Variants in CRAMP1 observed in about 807,000 individuals in gnomAD.
CRAMP1 encodes cramped chromatin regulator 1.
In CRAMP1, 50 loss-of-function variants were observed where a neutral mutation model predicts 115.4. The ratio of observed to expected loss-of-function variants is 0.43; its 90% CI spans 0.35 to 0.55. The LOEUF is 0.55. Ranked by LOEUF, CRAMP1 falls within the 20% of genes least tolerant of loss-of-function variation. The pLI, the probability that CRAMP1 is intolerant of heterozygous loss-of-function variation, is 0.01. For synonymous variants in CRAMP1, 866 were observed against 745.4 expected, an observed-to-expected ratio of 1.16 and a Z score of -2.64; for missense variants, 1,679 against 1,721.7, an observed-to-expected ratio of 0.98 and a Z score of 0.44.
In CRAMP1 at chr16:1,671,072, G is replaced by T. The variant is rs1488023785; in HGVS notation, c.3645+263G>T. Among the ~76,000 whole-genome samples, 3 of 152,190 alleles carry T rather than the reference G, an allele frequency of 2.0e-5. No individual in the cohort carries two copies. The highest frequency in any genetic ancestry group is 4.4e-5 in the Non-Finnish European group (3 of 68,028). On this transcript the variant is annotated intron_variant, in intron 20 of 20. Transcript: ENST00000397412. This position sits in a 1 kb window ranked among gnomAD's most constrained non-coding sequence, Gnocchi z 5.0. ...CCTCTGAACTGGAAACCCTGGTCTG[G>T]GGCGCAGAGCAGGGTCTCTGAAGGC...
intron 7 of CRAMP1, 143 bp from the exon 8 acceptor site, chr16:1,652,890 C>A: frequency 9.9e-7 from 1 of 1,007,922 alleles, no homozygotes; most frequent in Non-Finnish European, 1.4e-6. Context: ...GTTTCTTCTT[C>A]GCTGGGGTTT....
At chr16:1,615,034 G>T (rs2036405978) in intron 2 of CRAMP1, 49 bp downstream of exon 2, 1 of 1,119,130 alleles carries the variant, frequency 8.9e-7, no homozygotes, top group Non-Finnish European at 1.1e-6. Flanking sequence ...TCCGGGGTGT[G>T]CCGCGGGGGA....
At chr16:1,645,728 A>C (rs1596489868) in intron 6 of CRAMP1, among the ~76,000 whole-genome samples, 1 of 151,022 alleles carries the variant, frequency 6.6e-6, no homozygotes. Flanking sequence ...CTCTAGCTTC[A>C]CCCCAGCAGC....
At chr16:1,667,450 C>T in intron 17 of CRAMP1, 50 bp downstream of exon 17, 2 of 1,450,742 alleles carry the variant, frequency 1.4e-6, no homozygotes, top group Non-Finnish European at 1.9e-6. Context: ...CCAGGACTCC[C>T]TCCAGTGCCC....
intron 2 of CRAMP1, among the ~76,000 whole-genome samples, chr16:1,617,901 G>C (rs925480865): frequency 5.9e-5 from 9 of 152,134 alleles, no homozygotes; most frequent in Non-Finnish European, 1.0e-4. Context: ...CTGTAATTTT[G>C]CTTTTAAATG....
chr16:1,669,877 C>A lies in CRAMP1; in HGVS notation c.3499+712C>A, dbSNP rs1396570366. The stretch of plus-strand genomic sequence containing the variant: ...TCTGAACCAGTTGGGCGACCTGGGT[C>A]TGGGAGGTGCTGAGGGACCCAGCAC... On this transcript the variant is annotated intron_variant, in intron 19 of 20. Coordinates refer to ENST00000397412, the MANE Select transcript of CRAMP1 (RefSeq NM_020825.4). The surrounding 1 kb of genome is among the most constrained non-coding windows in gnomAD (Gnocchi z 4.6). 6.6e-6 allele frequency among the ~76,000 whole-genome samples: 1 copy of A among 152,182 alleles called. No individual in the cohort carries two copies. Among genetic ancestry groups the A allele is most frequent in the Non-Finnish European group, 1.5e-5 (1 of 68,040 alleles).
chr16:1,668,973 G>A lies in CRAMP1; in HGVS notation c.3335-28G>A, dbSNP rs570023029. 1.3e-5 allele frequency: 21 copies of A among 1,611,942 alleles called. No homozygotes were observed. The East Asian group carries it at 2.2e-4, about 17-fold the overall frequency. ...GCTGTTCACCACCCCGCAACAAGGCGTTTCTGATCTGGGATCTTGGTTGGC... is the reference window on the plus strand; with the variant it reads ...GCTGTTCACCACCCCGCAACAAGGCATTTCTGATCTGGGATCTTGGTTGGC... On this transcript the variant is annotated intron_variant, in intron 18 of 20. Transcript: ENST00000397412.
intron 19 of CRAMP1, among the ~76,000 whole-genome samples, chr16:1,670,031 A>C (rs2036908990): frequency 6.6e-6 from 1 of 152,086 alleles, no homozygotes; most frequent in South Asian, 2.1e-4. Flanking sequence ...TTGGGAGGCC[A>C]AGGTAGGAGG....
intron 6 of CRAMP1, among the ~76,000 whole-genome samples, chr16:1,650,288 C>T (rs1034635219): frequency 2.0e-5 from 3 of 152,210 alleles, no homozygotes; most frequent in South Asian, 4.1e-4. Context: ...CCAGAACTGG[C>T]TGTCTCCATT....
Position 1,656,486 on chromosome 16 carries a change from T to C in CRAMP1, c.1729T>C (p.Cys577Arg), listed in dbSNP as rs1272278815. 6.3e-7 allele frequency: 1 copy of C among 1,576,336 alleles called. No homozygotes were observed. Among genetic ancestry groups the C allele is most frequent in the East Asian group, 2.4e-5 (1 of 42,484 alleles). The change falls in exon 10 of 21, where the codon TGC becomes CGC. Residue 577 changes from cysteine (C) to arginine (R), a missense_variant. Coordinates refer to ENST00000397412, the MANE Select transcript of CRAMP1 (RefSeq NM_020825.4). This position sits in a 1 kb window ranked among gnomAD's most constrained non-coding sequence, Gnocchi z 5.6. ...SCQDLIVPEQ[C>R]RCADTRPGSE... ...TCAGGACCTCATTGTCCCCGAGCAG[T>C]GCCGCTGTGCGGACACACGGCCTGG...
intron 13 of CRAMP1, among the ~76,000 whole-genome samples, chr16:1,663,699 A>G (rs999189674): frequency 6.6e-6 from 1 of 152,152 alleles, no homozygotes; most frequent in Non-Finnish European, 1.5e-5. Flanking sequence ...ACCACCCAGA[A>G]AGGAAACCCT....
chr16:1,656,858 C>A lies in CRAMP1; in HGVS notation c.2101C>A (p.Leu701Met), dbSNP rs1358375030. The stretch of plus-strand genomic sequence containing the variant: ...CCTCATGATGGGCAAGCCCAGCAAG[C>A]TGCAGCTGGAGTACGACTGGCTGGG... Reference protein sequence around the residue: ...VYLMMGKPSKLQLEYDWLGPG... With the variant: ...VYLMMGKPSKMQLEYDWLGPG... Residue 701 changes from leucine (L) to methionine (M), a missense_variant, in exon 10 of 21, where the codon CTG becomes ATG. Coordinates refer to ENST00000397412, the MANE Select transcript of CRAMP1 (RefSeq NM_020825.4). This position sits in a 1 kb window ranked among gnomAD's most constrained non-coding sequence, Gnocchi z 5.6. 2 of 1,551,316 alleles carry A rather than the reference C, an allele frequency of 1.3e-6. No homozygotes were observed. Among genetic ancestry groups the A allele is most frequent in the Non-Finnish European group, 1.7e-6 (2 of 1,147,498 alleles).
chr16:1,658,485 A>G (rs1170509688), intron 10 of CRAMP1, among the ~76,000 whole-genome samples: 1 of 152,106 alleles, frequency 6.6e-6, no homozygotes, highest in Non-Finnish European at 1.5e-5. Flanking sequence ...GCAGGTAGGA[A>G]TCCCACATGG....
chr16:1,668,077 C>G lies in CRAMP1; in HGVS notation c.3218C>G (p.Ser1073Cys). The change falls in exon 18 of 21, where the codon TCT (serine) becomes TGT (cysteine). Residue 1073 changes from serine to cysteine, a missense_variant. Physicochemically the swap from Ser to Cys is moderately radical, Grantham distance 112 (BLOSUM62 -1). Around this residue, in one of 8 missense-constraint regions of CRAMP1, gnomAD observed 709 missense variants for 741.9 expected, o/e 0.96. Transcript: ENST00000397412. ...SSTRLSPPDV[S>C]ALLDISLPGP... ...ACCCGGCTGTCTCCACCAGACGTCT[C>G]TGCTCTGCTCGACATCTCCCTGCCC... The G allele has an allele frequency of 6.2e-7, 1 of 1,613,914 alleles. No homozygotes were observed. The highest frequency in any genetic ancestry group is 8.5e-7 in the Non-Finnish European group (1 of 1,179,850).
chr16:1,615,373 T>A (rs769784489), intron 2 of CRAMP1, among the ~76,000 whole-genome samples: 1 of 152,062 alleles, frequency 6.6e-6, no homozygotes, highest in Non-Finnish European at 1.5e-5. Flanking sequence ...GCGGTGGAAA[T>A]GCACCAAGGG....
At position 1,671,801 on chromosome 16, in the gene CRAMP1, C is replaced by T. The variant is rs917526828; in HGVS notation, c.3645+992C>T. Among the ~76,000 whole-genome samples, 2 of 152,212 alleles carry T rather than the reference C, an allele frequency of 1.3e-5. No individual in the cohort carries two copies. The highest frequency in any genetic ancestry group is 1.5e-5 in the Non-Finnish European group (1 of 68,044). ...CGCTACCCAGTATCCGAATGTGAAT[C>T]GTGACTCTTGAGATGATGAACTCAT... On this transcript the variant is annotated intron_variant, in intron 20 of 20. Coordinates refer to ENST00000397412, the MANE Select transcript of CRAMP1 (RefSeq NM_020825.4). This position sits in a 1 kb window ranked among gnomAD's most constrained non-coding sequence, Gnocchi z 5.0.
At chr16:1,649,865 C>A (rs2036708896) in intron 6 of CRAMP1, among the ~76,000 whole-genome samples, 1 of 146,670 alleles carries the variant, frequency 6.8e-6, no homozygotes, top group Non-Finnish European at 1.5e-5. Context: ...GCAATCTCAG[C>A]TCACTACAAC....
Position 1,662,500 on chromosome 16 carries a change from C to A in CRAMP1, c.2424C>A (p.Asn808Lys). ...SSAPCSSGLR[N>K]PPRPLLVPGP... The stretch of plus-strand genomic sequence containing the variant: ...CCTCTCCTCTCCCAGGTTTGAGAAA[C>A]CCTCCAAGACCCCTCTTGGTGCCTG... The change falls in exon 12 of 21, where the codon AAC becomes AAA. Residue 808 changes from asparagine (N) to lysine (K), a missense_variant. By Grantham distance (94) the Asn-to-Lys change is moderately conservative. Coordinates refer to ENST00000397412, the MANE Select transcript of CRAMP1 (RefSeq NM_020825.4). 6.2e-7 allele frequency: 1 copy of A among 1,613,582 alleles called. No individual in the cohort carries two copies. Among genetic ancestry groups the A allele is most frequent in the Non-Finnish European group, 8.5e-7 (1 of 1,179,584 alleles).
chr16:1,666,770 C>T lies in CRAMP1; in HGVS notation c.3036+170C>T, dbSNP rs551909996. Among the ~76,000 whole-genome samples, 1 of 152,340 alleles carries T rather than the reference C, an allele frequency of 6.6e-6. No individual in the cohort carries two copies. The highest frequency in any genetic ancestry group is 1.9e-4 in the East Asian group (1 of 5,186). On this transcript the variant is annotated intron_variant, in intron 16 of 20. Transcript: ENST00000397412. The surrounding 1 kb of genome is among the most constrained non-coding windows in gnomAD (Gnocchi z 5.0). Reference sequence around the variant, plus strand: ...CTGTGTAGTACAGAGCAGGAGAGGCCTCCGGAGCCACTGACGAAAGGTGGG... The same window carrying T: ...CTGTGTAGTACAGAGCAGGAGAGGCTTCCGGAGCCACTGACGAAAGGTGGG...
Sources: gnomAD v4.1 joint callset for allele counts (sites outside exome capture counted in the v4.1 genomes callset) on GRCh38, gnomAD v4.1.1 for gene constraint, gnomAD v4.1.1 regional missense constraint, Gnocchi (gnomAD v3.1) non-coding constraint, MANE v1.5 for transcripts, NCBI Gene and HGNC (gene_info 2026-07-23, HGNC 2026-07-21) for gene names.